The following FAM53A variants were observed in gnomAD, a reference collection of about 807,000 sequenced individuals.
FAM53A encodes family with sequence similarity 53 member A.
In FAM53A, 28 loss-of-function variants were observed where a neutral mutation model predicts 26.6. The ratio of observed to expected loss-of-function variants is 1.05; its 90% CI spans 0.78 to 1.45. The LOEUF (loss-of-function observed/expected upper bound fraction) is 1.45, where lower values mean the gene tolerates loss of function less well. Ranked by LOEUF, FAM53A falls within the 40% of genes most tolerant of loss-of-function variation. The pLI, the probability that FAM53A is intolerant of heterozygous loss-of-function variation, is 0.00. For synonymous variants in FAM53A, 290 were observed against 253.1 expected, an observed-to-expected ratio of 1.15 and a Z score of -1.38; for missense variants, 650 against 575.8, an observed-to-expected ratio of 1.13 and a Z score of -1.32.
intron 1 of FAM53A, among the ~76,000 whole-genome samples, chr4:1,680,927 A>G (rs1247741726): frequency 6.6e-6 from 1 of 152,192 alleles, no homozygotes; most frequent in Non-Finnish European, 1.5e-5. Context: ...ATTTGTCTAA[A>G]TCCATAGACT....
At chr4:1,587,077 A>C in the FAM53A span, among the ~76,000 whole-genome samples, 1 of 152,150 alleles carries the variant, frequency 6.6e-6, no homozygotes, top group Non-Finnish European at 1.5e-5. Flanking sequence ...CCAATTTTTC[A>C]ATCAGGTTAT....
intron 1 of FAM53A, among the ~76,000 whole-genome samples, chr4:1,633,784 T>C (rs1715717802): frequency 6.6e-6 from 1 of 152,044 alleles, no homozygotes; most frequent in African/African-American, 2.4e-5. Context: ...GCATTCGATA[T>C]TCCTCACAAA....
chr4:1,664,378 G>A (rs1714072615), intron 2 of FAM53A, among the ~76,000 whole-genome samples: 1 of 152,144 alleles, frequency 6.6e-6, no homozygotes, highest in Admixed American at 6.6e-5. Flanking sequence ...GCCGGGCCAT[G>A]GGTATGTATG....
chr4:1,646,244 G>A (rs560247719), intron 4 of FAM53A, among the ~76,000 whole-genome samples: 11 of 152,286 alleles, frequency 7.2e-5, no homozygotes, highest in African/African-American at 2.4e-4. Flanking sequence ...GGGAATACAG[G>A]CGTCCGCCAC....
At chr4:1,635,439 A>G (rs1357031148), downstream of FAM53A, among the ~76,000 whole-genome samples, 2 of 151,952 alleles carry the variant, frequency 1.3e-5, no homozygotes, top group Non-Finnish European at 2.9e-5. Flanking sequence ...ACACCCAACT[A>G]ATTTTTTTAT....
chr4:1,643,447 C>G (rs1711940478), intron 4 of FAM53A, among the ~76,000 whole-genome samples: 1 of 151,588 alleles, frequency 6.6e-6, no homozygotes, highest in Admixed American at 6.6e-5. Flanking sequence ...GCCTGGGAGA[C>G]AGAGTGAGAC....
chr4:1,593,627 A>G, the FAM53A span, among the ~76,000 whole-genome samples: 1 of 152,080 alleles, frequency 6.6e-6, no homozygotes, highest in Non-Finnish European at 1.5e-5. Flanking sequence ...GGCCGGATCT[A>G]TTTAAAAGAT....
chr4:1,619,534 C>T (rs972962420), intron 1 of FAM53A, among the ~76,000 whole-genome samples: 6 of 152,204 alleles, frequency 3.9e-5, no homozygotes, highest in Non-Finnish European at 8.8e-5. Flanking sequence ...TCCTCCAAGC[C>T]GCATCTCCCT....
intron 4 of FAM53A, 101 bp downstream of exon 4, chr4:1,654,877 G>A (rs562546750): frequency 2.0e-5 from 28 of 1,417,896 alleles, no homozygotes; most frequent in Admixed American, 2.7e-5. Context: ...AAGACCAGCC[G>A]GATGCTAACA....
At chr4:1,657,368 C>T in intron 3 of FAM53A, 40 bp downstream of exon 3, 1 of 1,590,980 alleles carries the variant, frequency 6.3e-7, no homozygotes, top group Non-Finnish European at 8.6e-7. Flanking sequence ...CCAGTCCCAG[C>T]CCTGCTCAGG....
downstream of FAM53A, among the ~76,000 whole-genome samples, chr4:1,613,563 GA>G (rs1714703873): frequency 7.3e-6 from 1 of 136,374 alleles, no homozygotes; most frequent in Non-Finnish European, 1.6e-5. Flanking sequence ...CACGAGAGAA[GA>G]AAGTCCCGGG....
the FAM53A span, among the ~76,000 whole-genome samples, chr4:1,598,605 AC>A: frequency 6.6e-6 from 1 of 151,782 alleles, no homozygotes; most frequent in South Asian, 2.1e-4. Context: ...TCTGGAACGC[AC>A]CCCCTCCCGG....
At chr4:1,603,703 G>T in the FAM53A span, among the ~76,000 whole-genome samples, 2,509 of 152,318 alleles carry the variant, frequency 0.016, 70 homozygotes, top group African/African-American at 0.056. Flanking sequence ...CAGTGTGTGT[G>T]CGGCCTGCAG....
chr4:1,671,637 T>C (rs1222143330), intron 1 of FAM53A, among the ~76,000 whole-genome samples: 1 of 152,106 alleles, frequency 6.6e-6, no homozygotes. Flanking sequence ...CTCACCTCTC[T>C]CCCAGCCTCA....
At chr4:1,618,507 A>G (rs1714892255) in intron 1 of FAM53A, among the ~76,000 whole-genome samples, 2 of 152,156 alleles carry the variant, frequency 1.3e-5, no homozygotes, top group Non-Finnish European at 2.9e-5. Flanking sequence ...TGGGAGGCAG[A>G]GTCTCCTGGC....
the FAM53A span, among the ~76,000 whole-genome samples, chr4:1,592,574 G>A: frequency 6.6e-6 from 1 of 152,082 alleles, no homozygotes; most frequent in Non-Finnish European, 1.5e-5. Flanking sequence ...AGGGGCCCCC[G>A]ACACGCGGTT....
intron 4 of FAM53A, among the ~76,000 whole-genome samples, chr4:1,653,299 C>A (rs554208822): frequency 6.6e-6 from 1 of 152,324 alleles, no homozygotes; most frequent in African/African-American, 2.4e-5. Flanking sequence ...TACCCCATGT[C>A]CACACTGAGC....
chr4:1,633,396 G>A (rs760810170), intron 1 of FAM53A, among the ~76,000 whole-genome samples: 9 of 152,126 alleles, frequency 5.9e-5, no homozygotes, highest in Non-Finnish European at 1.0e-4. Context: ...ATAATTATAT[G>A]GAAAGAGAAA....
At chr4:1,685,916 G>A (rs565197219), upstream of FAM53A, among the ~76,000 whole-genome samples, 147 of 152,316 alleles carry the variant, frequency 9.7e-4, no homozygotes, top group South Asian at 3.3e-3. Context: ...GGCCCCTGTG[G>A]ACTGGAGACA....
Sources: allele counts gnomAD v4.1 joint callset (sites outside exome capture counted in the v4.1 genomes callset), GRCh38; gene constraint gnomAD v4.1.1; transcripts MANE v1.5; gene names NCBI Gene and HGNC (gene_info 2026-07-23, HGNC 2026-07-21).